The following RPL8 variants were observed in gnomAD, a reference collection of about 807,000 sequenced individuals.
RPL8 encodes ribosomal protein L8.
For synonymous variants in RPL8, 182 were observed against 143.2 expected, an observed-to-expected ratio of 1.27 and a Z score of -1.94; for missense variants, 248 against 365.9, an observed-to-expected ratio of 0.68 and a Z score of 2.63.
intron 3 of RPL8, 91 bp from the exon 4 acceptor site, chr8:144,790,561 G>A: frequency 2.0e-6 from 2 of 982,114 alleles, no homozygotes; most frequent in Non-Finnish European, 3.3e-6. Flanking sequence ...TCCCAATACT[G>A]CATCCAACTA....
At chr8:144,790,734 ATG>A (rs1348867327) in intron 3 of RPL8, 1 of 653,812 alleles carries the variant, frequency 1.5e-6, no homozygotes, top group Non-Finnish European at 2.8e-6. Flanking sequence ...CCCCCTCACC[ATG>A]TGTGAGACGT....
chr8:144,791,090 G>A (rs571112903), intron 3 of RPL8, 187 bp downstream of exon 3: 7 of 616,396 alleles, frequency 1.1e-5, no homozygotes, highest in Admixed American at 2.8e-5. Flanking sequence ...AGTAAAGCAG[G>A]TACTGTTGTG....
chr8:144,791,577 C>G (rs1452631956), intron 2 of RPL8, 82 bp from the exon 3 acceptor site: 2 of 1,511,808 alleles, frequency 1.3e-6, no homozygotes, highest in Non-Finnish European at 1.8e-6. Flanking sequence ...CGCGAAGTTG[C>G]GAGCACAGCA....
Position 144,790,685 on chromosome 8 carries a change from ACCTAGAATGCTGG to A in RPL8, c.500-228_500-216del, listed in dbSNP as rs567243864. On this transcript the variant is annotated intron_variant, in intron 3 of 4. Transcript: ENST00000528957. ...GCAAGCCAAGGCCCTCACCTCCATC[ACCTAGAATGCTGG>A]CTGAGCTCCAAGCGCAGGGAAGCAC... is the stretch of plus-strand genomic sequence containing the variant. The A allele has an allele frequency of 1.3e-5, 9 of 689,706 alleles. 1 individual carries two copies. In the African/African-American group the frequency reaches 1.6e-4, roughly 12 times the overall value. The allele number at this position is 689,706 out of a possible 1,614,324, so 42.7% of individuals were successfully genotyped here. A position where few individuals can be genotyped will look rare whatever the true frequency, so the allele number is the denominator to read the frequency against.
At chr8:144,791,247 C>A in intron 3 of RPL8, 30 bp downstream of exon 3, 1 of 1,601,766 alleles carries the variant, frequency 6.2e-7, no homozygotes, top group East Asian at 2.2e-5. Flanking sequence ...ACCCACAGCC[C>A]TCAGCATTCA....
At position 144,792,187 on chromosome 8, in the gene RPL8, C is replaced by G. The variant is rs534156171; in HGVS notation, c.-58G>C. On this transcript the variant is annotated 5_prime_UTR_variant, in exon 1 of 5. Transcript: ENST00000528957. ...CGCGGCCGGGCGGCCCGGGTACCCCCGCCAGCCCGGCTTTCCGGGACCCCG... is the reference window on the plus strand; with the variant it reads ...CGCGGCCGGGCGGCCCGGGTACCCCGGCCAGCCCGGCTTTCCGGGACCCCG... 1.4e-6 allele frequency: 2 copies of G among 1,430,648 alleles called. No individual in the cohort carries two copies. Among genetic ancestry groups the G allele is most frequent in the Non-Finnish European group, 1.8e-6 (2 of 1,101,136 alleles). The allele number at this position is 1,430,648 out of a possible 1,614,324, so 88.6% of individuals were successfully genotyped here. A position where few individuals can be genotyped will look rare whatever the true frequency, so the allele number is the denominator to read the frequency against.
In RPL8 at chr8:144,792,300, G is replaced by T. The variant is rs1826565850; in HGVS notation, c.-171C>A. The T allele has an allele frequency of 3.0e-5, 31 of 1,018,196 alleles. No homozygotes were observed. The highest frequency in any genetic ancestry group is 4.1e-5 in the Non-Finnish European group (31 of 764,298). 63.1% of individuals were successfully genotyped at this position (1,018,196 alleles called of 1,614,324 possible). A position where few individuals can be genotyped will look rare whatever the true frequency, so the allele number is the denominator to read the frequency against. ...CTCAGGAGGGCCGGTCCGGGTCTCA[G>T]CGCGCCTCACGGAAGAGGATGGCGG... On this transcript the variant is annotated 5_prime_UTR_variant, in exon 1 of 5. It adds an upstream start codon to the 5' untranslated region. Transcript: ENST00000528957.
chr8:144,791,961 T>C, intron 1 of RPL8, 31 bp downstream of exon 1: 3 of 1,607,346 alleles, frequency 1.9e-6, no homozygotes, highest in Non-Finnish European at 2.5e-6. Flanking sequence ...CGGGCGTCCC[T>C]TCCCCTCCCG....
At position 144,792,300 on chromosome 8, in the gene RPL8, G is replaced by C; in HGVS notation, c.-171C>G. 2 of 1,018,314 alleles carry C rather than the reference G, an allele frequency of 2.0e-6. No homozygotes were observed. Among genetic ancestry groups the C allele is most frequent in the Non-Finnish European group, 2.6e-6 (2 of 764,292 alleles). The allele number at this position is 1,018,314 out of a possible 1,614,324, so 63.1% of individuals were successfully genotyped here. A position where few individuals can be genotyped will look rare whatever the true frequency, so the allele number is the denominator to read the frequency against. On this transcript the variant is annotated 5_prime_UTR_variant, in exon 1 of 5. Coordinates refer to ENST00000528957, the MANE Select transcript of RPL8 (RefSeq NM_001317782.2). Reference sequence around the variant, plus strand: ...CTCAGGAGGGCCGGTCCGGGTCTCAGCGCGCCTCACGGAAGAGGATGGCGG... The same window carrying C: ...CTCAGGAGGGCCGGTCCGGGTCTCACCGCGCCTCACGGAAGAGGATGGCGG...
rs1239884658 is a variant in RPL8 at position 144,791,416 on chromosome 8, A to T, written c.360T>A (p.Pro120=). 1 of 1,613,942 alleles carries T rather than the reference A, an allele frequency of 6.2e-7. No homozygotes were observed. The highest frequency in any genetic ancestry group is 1.3e-5 in the African/African-American group (1 of 75,028). ...CCCGGGCCAGCTTGCCACGGTCTCCAGGCTTCTCCTCCAGGCAGCACACGA... is the reference window on the plus strand; with the variant it reads ...CCCGGGCCAGCTTGCCACGGTCTCCTGGCTTCTCCTCCAGGCAGCACACGA... ...GTIVCCLEEK[P]GDRGKLARAS... Residue 120 remains proline, a synonymous_variant, in exon 3 of 5, where the codon CCT becomes CCA. Transcript: ENST00000528957.
rs1417983512 is a variant in RPL8 at position 144,791,783 on chromosome 8, G to A, written c.270C>T (p.Cys90=). The part of the protein sequence containing the change: ...EGIHTGQFVY[C]GKKAQLNIGN... ...CGCCGCGATGCTAACCCTTCTTGCC[G>A]CAATACACAAACTGGCCCGTGTGAA... Residue 90 remains cysteine, a synonymous_variant, in exon 2 of 5, where the codon TGC becomes TGT. Transcript: ENST00000528957. The A allele has an allele frequency of 1.2e-6, 2 of 1,613,544 alleles. No homozygotes were observed. Among genetic ancestry groups the A allele is most frequent in the African/African-American group, 1.3e-5 (1 of 74,848 alleles).
chr8:144,790,621 G>C (rs1229035022), intron 3 of RPL8, 151 bp from the exon 4 acceptor site: 1 of 693,916 alleles, frequency 1.4e-6, no homozygotes, highest in African/African-American at 1.7e-5. Flanking sequence ...CTTGCACCCT[G>C]TGAGCTGACA....
At position 144,792,225 on chromosome 8, in the gene RPL8, C is replaced by T. The variant is rs1044623963; in HGVS notation, c.-96G>A. ...TTCCGGGACCCCGCCCCCGAGGCCG[C>T]CGCGCCCACCACTCCCTACCCTCTC... On this transcript the variant is annotated 5_prime_UTR_variant, in exon 1 of 5. Transcript: ENST00000528957. The T allele has an allele frequency of 5.8e-6, 8 of 1,387,506 alleles. No individual in the cohort carries two copies. In the African/African-American group the frequency reaches 1.1e-4, roughly 19 times the overall value. 85.9% of individuals were successfully genotyped at this position (1,387,506 alleles called of 1,614,324 possible). A position where few individuals can be genotyped will look rare whatever the true frequency, so the allele number is the denominator to read the frequency against.
rs1826540463 is a variant in RPL8 at position 144,791,926 on chromosome 8, G to A, written c.139-12C>T. On this transcript the variant is annotated splice_polypyrimidine_tract_variant and intron_variant, in intron 1 of 4. Transcript: ENST00000528957. ...TCGTGGATGATGTCCTGTGGGCAGA[G>A]GCGGCGTGAGTGCGGCGTTCCGGCC... 5 of 1,611,774 alleles carry A rather than the reference G, an allele frequency of 3.1e-6. No homozygotes were observed. The highest frequency in any genetic ancestry group is 3.4e-6 in the Non-Finnish European group (4 of 1,179,188).
rs776894847 is a variant in RPL8 at position 144,790,343 on chromosome 8, T to C, written c.615+12A>G. The C allele has an allele frequency of 6.2e-7, 1 of 1,602,128 alleles. No individual in the cohort carries two copies. On this transcript the variant is annotated intron_variant, in intron 4 of 4. Coordinates refer to ENST00000528957, the MANE Select transcript of RPL8 (RefSeq NM_001317782.2). ...ACTTCAATACCCAACCCTGCATTTC[T>C]GGGTTACTTACATTCATGGCCACAC...
At chr8:144,790,998 G>A in intron 3 of RPL8, 1 of 515,874 alleles carries the variant, frequency 1.9e-6, no homozygotes, top group Non-Finnish European at 3.5e-6. Flanking sequence ...CCAACTGCAT[G>A]CAAGTGCAGC....
intron 3 of RPL8, 159 bp downstream of exon 3, chr8:144,791,118 A>G (rs1329489097): frequency 1.3e-5 from 9 of 669,006 alleles, no homozygotes; most frequent in Non-Finnish European, 2.4e-5. Flanking sequence ...TACAGTGATG[A>G]CAACTGAGAC....
At chr8:144,791,722 A>C (rs1418668379) in intron 2 of RPL8, 51 bp downstream of exon 2, 2 of 1,610,306 alleles carry the variant, frequency 1.2e-6, no homozygotes, top group Non-Finnish European at 1.7e-6. Context: ...TCCTCAGGCA[A>C]CACCCAGACC....
At chr8:144,791,542 G>A (rs748935764) in intron 2 of RPL8, 47 bp from the exon 3 acceptor site, 13 of 1,588,006 alleles carry the variant, frequency 8.2e-6, no homozygotes, top group African/African-American at 5.4e-5. Context: ...AAGAAACAAT[G>A]CGAACCCCCT....
Sources: allele counts gnomAD v4.1 joint callset, GRCh38; gene constraint gnomAD v4.1.1; transcripts MANE v1.5; gene names NCBI Gene and HGNC (gene_info 2026-07-23, HGNC 2026-07-21).